BBX: variants seen among roughly 807,000 people sequenced by gnomAD.
BBX encodes HMG box transcription factor BBX.
A neutral mutation model predicts 100.2 loss-of-function variants in BBX; 30 were observed. That is an observed-to-expected ratio of 0.30 (90% CI 0.22 to 0.41). BBX has a LOEUF of 0.41. Ranked by LOEUF, BBX falls within the 10% of genes least tolerant of loss-of-function variation. BBX has a pLI of 1.00. For missense variants in BBX, 1,023 were observed against 1,129.8 expected (o/e 0.91, Z 1.35); for synonymous variants, 376 against 388.1 (o/e 0.97, Z 0.37).
intron 2 of BBX, among the ~76,000 whole-genome samples, chr3:107,601,399 A>T (rs1357882190): frequency 6.6e-6 from 1 of 152,244 alleles, no homozygotes; most frequent in South Asian, 2.1e-4. Flanking sequence ...GGCCTCTTAC[A>T]CTAGCAGCTA....
At chr3:107,617,266 A>G (rs1377888911) in intron 2 of BBX, among the ~76,000 whole-genome samples, 1 of 152,160 alleles carries the variant, frequency 6.6e-6, no homozygotes, top group African/African-American at 2.4e-5. Flanking sequence ...TCGTCCACTG[A>G]TACTACACAT....
chr3:107,626,153 A>G (rs571872175), intron 2 of BBX, among the ~76,000 whole-genome samples: 60 of 152,354 alleles, frequency 3.9e-4, no homozygotes, highest in African/African-American at 1.4e-3. Context: ...GTTTAGGAAC[A>G]TTAATCTATT....
At chr3:107,693,551 G>C (rs2060341618) in intron 3 of BBX, among the ~76,000 whole-genome samples, 1 of 151,634 alleles carries the variant, frequency 6.6e-6, no homozygotes, top group South Asian at 2.1e-4. Flanking sequence ...CTGTTCCATT[G>C]ATCTGTATCT....
intron 10 of BBX, among the ~76,000 whole-genome samples, chr3:107,763,404 C>T (rs1207401727): frequency 1.3e-5 from 2 of 152,056 alleles, no homozygotes; most frequent in Non-Finnish European, 2.9e-5. Context: ...CATTTTATTA[C>T]GTCTTTTAAA....
chr3:107,698,156 TC>T (rs1380029990), intron 3 of BBX, among the ~76,000 whole-genome samples: 1 of 151,838 alleles, frequency 6.6e-6, no homozygotes, highest in Non-Finnish European at 1.5e-5. Flanking sequence ...TCACCCGTCT[TC>T]TGGGTCGCTC....
intron 5 of BBX, among the ~76,000 whole-genome samples, chr3:107,718,775 A>C (rs780917383): frequency 6.6e-6 from 1 of 152,118 alleles, no homozygotes; most frequent in Non-Finnish European, 1.5e-5. Flanking sequence ...GTGGCACTAA[A>C]ATGAAATCTG....
chr3:107,576,539 G>A (rs1280561868), intron 2 of BBX, among the ~76,000 whole-genome samples: 1 of 152,104 alleles, frequency 6.6e-6, no homozygotes, highest in Non-Finnish European at 1.5e-5. Flanking sequence ...GTATAGTTAA[G>A]CTTGAATGTA....
intron 2 of BBX, among the ~76,000 whole-genome samples, chr3:107,567,838 T>G (rs2051036619): frequency 6.6e-6 from 1 of 152,200 alleles, no homozygotes; most frequent in Non-Finnish European, 1.5e-5. Context: ...TCTATTGGTT[T>G]GAATAGCATA....
At chr3:107,787,780 G>T (rs1038338199) in intron 13 of BBX, among the ~76,000 whole-genome samples, 9 of 152,206 alleles carry the variant, frequency 5.9e-5, no homozygotes, top group Non-Finnish European at 2.9e-5. Flanking sequence ...CTTGAAGGAG[G>T]TGAGGAAGTT....
At chr3:107,766,030 T>C (rs1008445295) in intron 10 of BBX, among the ~76,000 whole-genome samples, 10 of 152,184 alleles carry the variant, frequency 6.6e-5, no homozygotes, top group African/African-American at 2.4e-4. Flanking sequence ...CAGAAGAAGA[T>C]GCTTAAAAGG....
intron 2 of BBX, among the ~76,000 whole-genome samples, chr3:107,597,496 A>C (rs2053742791): frequency 6.6e-6 from 1 of 152,186 alleles, no homozygotes; most frequent in African/African-American, 2.4e-5. Flanking sequence ...TTTTTCTTCT[A>C]ATTAATTCAT....
chr3:107,639,517 G>A (rs1411310651), intron 2 of BBX, among the ~76,000 whole-genome samples: 3 of 152,156 alleles, frequency 2.0e-5, no homozygotes, highest in African/African-American at 7.2e-5. Flanking sequence ...TGATGTAGCT[G>A]CTGGCAAACA....
chr3:107,809,894 A>T lies in BBX; in HGVS notation c.*4437A>T, dbSNP rs948589532. On this transcript the variant is annotated 3_prime_UTR_variant, in exon 18 of 18. Coordinates refer to ENST00000325805, the MANE Select transcript of BBX (RefSeq NM_001142568.3). ...GTTTTGAGTTTTTGGATTTTTAAAAATTATCTTATTTAGATTGACTAACAG... is the reference window on the plus strand; with the variant it reads ...GTTTTGAGTTTTTGGATTTTTAAAATTTATCTTATTTAGATTGACTAACAG... 1 of 152,208 alleles carries T rather than the reference A, an allele frequency of 6.6e-6. No homozygotes were observed. The highest frequency in any genetic ancestry group is 1.5e-5 in the Non-Finnish European group (1 of 68,040). The allele number at this position is 152,208 out of a possible 1,614,324, so 9.4% of individuals were successfully genotyped here.
chr3:107,785,137 C>T (rs1347398361), intron 13 of BBX, among the ~76,000 whole-genome samples: 1 of 147,854 alleles, frequency 6.8e-6, no homozygotes, highest in African/African-American at 2.5e-5. Context: ...AGATGCATAA[C>T]TAATAAAGAC....
At chr3:107,766,266 C>G (rs887752330) in intron 10 of BBX, among the ~76,000 whole-genome samples, 5 of 152,104 alleles carry the variant, frequency 3.3e-5, no homozygotes, top group Non-Finnish European at 7.3e-5. Flanking sequence ...TGCATAAACT[C>G]TAATGAATTC....
intron 15 of BBX, 84 bp downstream of exon 15, chr3:107,791,383 A>G (rs2069011514): frequency 4.2e-6 from 5 of 1,191,750 alleles, no homozygotes; most frequent in Admixed American, 3.6e-5. Context: ...GGTATAATTT[A>G]TATAGGTTTA....
intron 2 of BBX, among the ~76,000 whole-genome samples, chr3:107,564,459 G>T (rs146591507): frequency 6.6e-6 from 1 of 151,838 alleles, no homozygotes; most frequent in Admixed American, 6.6e-5. Context: ...AAACTCTTTC[G>T]TATACCAGTG....
intron 2 of BBX, among the ~76,000 whole-genome samples, chr3:107,637,460 C>G (rs1403847474): frequency 6.6e-6 from 1 of 152,192 alleles, no homozygotes; most frequent in Admixed American, 6.5e-5. Context: ...AACTGCAGAT[C>G]AAACGGATTG....
chr3:107,662,874 G>A (rs897119726), intron 3 of BBX: 1 of 152,082 alleles, frequency 6.6e-6, no homozygotes, highest in Non-Finnish European at 1.5e-5. Context: ...TCCTGAGTAC[G>A]TGCTAGGTAC....
Sources: gnomAD v4.1 joint callset for allele counts (sites outside exome capture counted in the v4.1 genomes callset) on GRCh38, gnomAD v4.1.1 for gene constraint, MANE v1.5 for transcripts, NCBI Gene and HGNC (gene_info 2026-07-23, HGNC 2026-07-21) for gene names.